The following DNAH6 variants were observed in gnomAD, a reference collection of about 807,000 sequenced individuals.
The protein encoded by DNAH6 is dynein axonemal heavy chain 6, also known as axonemal beta dynein heavy chain 6.
Under a neutral mutation model 491.4 loss-of-function variants are expected in DNAH6, and 340 were observed. The observed-to-expected ratio is 0.69, with a 90% CI of 0.63 to 0.76. The LOEUF is 0.76. Among genes scored for constraint, DNAH6 ranks in the 30% least tolerant of loss-of-function variants. The pLI is 0.00. For missense variants in DNAH6, 4,443 were observed against 4,972.2 expected (o/e 0.89, Z 3.20); for synonymous variants, 1,603 against 1,686.1 (o/e 0.95, Z 1.21).
chr2:84,545,482 A>G (rs925884354), intron 5 of DNAH6, among the ~76,000 whole-genome samples: 1 of 152,146 alleles, frequency 6.6e-6, no homozygotes, highest in Non-Finnish European at 1.5e-5. Flanking sequence ...ATTTGTTGCT[A>G]GGTATGTAAA....
intron 40 of DNAH6, among the ~76,000 whole-genome samples, chr2:84,673,264 G>A (rs926472851): frequency 1.4e-4 from 12 of 87,244 alleles, no homozygotes; most frequent in African/African-American, 2.3e-4. Context: ...CCATGGTGCC[G>A]TGGGCCCATG....
chr2:84,707,554 A>G lies in DNAH6; in HGVS notation c.8886A>G (p.Val2962=). 1.3e-6 allele frequency: 2 copies of G among 1,551,894 alleles called. No homozygotes were observed. Among genetic ancestry groups the G allele is most frequent in the Non-Finnish European group, 1.7e-6 (2 of 1,147,014 alleles). The part of the protein sequence containing the change: ...KTMALTKARL[V]RAGKLTAALE... ...TGGCCCTGACAAAAGCACGTCTAGT[A>G]CGTGCTGGAAAGCTGACAGCAGCAT... is the stretch of plus-strand genomic sequence containing the variant. Residue 2962 remains valine, a synonymous_variant, in exon 54 of 77, where the codon GTA becomes GTG. Coordinates refer to ENST00000389394, the MANE Select transcript of DNAH6 (RefSeq NM_001370.2).
chr2:84,501,206 C>T, the DNAH6 span, among the ~76,000 whole-genome samples: 1 of 151,986 alleles, frequency 6.6e-6, no homozygotes, highest in Non-Finnish European at 1.5e-5. Flanking sequence ...TCATTCTATC[C>T]CCAGTTTTTT....
intron 13 of DNAH6, among the ~76,000 whole-genome samples, chr2:84,578,213 T>G (rs1216774076): frequency 6.6e-6 from 1 of 152,160 alleles, no homozygotes; most frequent in Non-Finnish European, 1.5e-5. Flanking sequence ...TTTTCTGTTA[T>G]TAATTAATTG....
At chr2:84,649,193 C>T (rs569540382) in intron 33 of DNAH6, among the ~76,000 whole-genome samples, 25 of 152,252 alleles carry the variant, frequency 1.6e-4, no homozygotes, top group Middle Eastern at 3.4e-3. Context: ...ATTTTATATG[C>T]ACTGAGAAAC....
At chr2:84,506,726 C>G in the DNAH6 span, among the ~76,000 whole-genome samples, 1 of 152,140 alleles carries the variant, frequency 6.6e-6, no homozygotes, top group African/African-American at 2.4e-5. Flanking sequence ...CTTTAACCAT[C>G]TTGAATTAAT....
intron 45 of DNAH6, among the ~76,000 whole-genome samples, chr2:84,693,411 G>A (rs1695063561): frequency 6.6e-6 from 1 of 151,800 alleles, no homozygotes. Flanking sequence ...CCTCCTTTTT[G>A]AGTGCTCTCT....
intron 70 of DNAH6, among the ~76,000 whole-genome samples, chr2:84,800,876 G>A (rs1223150482): frequency 6.6e-6 from 1 of 151,922 alleles, no homozygotes; most frequent in Non-Finnish European, 1.5e-5. Flanking sequence ...ACTGGATTAA[G>A]AAAATGTGGC....
the DNAH6 span, among the ~76,000 whole-genome samples, chr2:84,505,677 T>A: frequency 6.6e-6 from 1 of 152,204 alleles, no homozygotes; most frequent in Non-Finnish European, 1.5e-5. Context: ...CATTTAACAT[T>A]AGGTATATCT....
intron 11 of DNAH6, among the ~76,000 whole-genome samples, chr2:84,564,354 TTATTTCAG>T (rs1680963561): frequency 6.6e-6 from 1 of 152,194 alleles, no homozygotes; most frequent in Non-Finnish European, 1.5e-5. Context: ...CATCTCTGAT[TTATTTCAG>T]CAGTGTTTTG....
At chr2:84,517,195 G>A (rs1381757494) in intron 1 of DNAH6, among the ~76,000 whole-genome samples, 1 of 152,136 alleles carries the variant, frequency 6.6e-6, no homozygotes, top group Non-Finnish European at 1.5e-5. Context: ...GGGTGAAAGT[G>A]TGCGTGGTGG....
At position 84,805,691 on chromosome 2, in the gene DNAH6, C is replaced by A; in HGVS notation, c.11508C>A (p.Asn3836Lys). ...FQYKETSTLI[N>K]TILEVQPRSS... The stretch of plus-strand genomic sequence containing the variant: ...ACAAAGAGACCAGCACTTTAATCAA[C>A]ACCATACTTGAGGTTCAGCCAAGGT... The change falls in exon 71 of 77, where the codon AAC becomes AAA. Residue 3836 changes from asparagine (N) to lysine (K), a missense_variant. Asn to Lys is a moderately conservative substitution (Grantham distance 94). Transcript: ENST00000389394. 3 of 1,551,726 alleles carry A rather than the reference C, an allele frequency of 1.9e-6. No individual in the cohort carries two copies. The highest frequency in any genetic ancestry group is 2.4e-5 in the South Asian group (2 of 84,012).
chr2:84,720,479 C>T (rs1387690509), intron 59 of DNAH6, among the ~76,000 whole-genome samples: 2 of 150,924 alleles, frequency 1.3e-5, no homozygotes, highest in East Asian at 3.9e-4. Flanking sequence ...GGGGTTTCAC[C>T]GTTTTAGCTG....
chr2:84,533,239 C>T (rs1173934006), intron 4 of DNAH6, among the ~76,000 whole-genome samples: 4 of 152,022 alleles, frequency 2.6e-5, no homozygotes, highest in Non-Finnish European at 5.9e-5. Flanking sequence ...TTGTGGATCT[C>T]CTCAAATCAA....
intron 18 of DNAH6, among the ~76,000 whole-genome samples, chr2:84,601,049 A>AT (rs1685184527): frequency 6.8e-6 from 1 of 148,078 alleles, no homozygotes; most frequent in African/African-American, 2.5e-5. Flanking sequence ...CTATAATAAT[A>AT]ATGTTATTAT....
chr2:84,710,039 A>G (rs1455241408), intron 55 of DNAH6, among the ~76,000 whole-genome samples: 1 of 152,230 alleles, frequency 6.6e-6, no homozygotes, highest in African/African-American at 2.4e-5. Flanking sequence ...CAACATGAAT[A>G]CCATAAGCAT....
chr2:84,704,292 T>C lies in DNAH6; in HGVS notation c.8455T>C (p.Leu2819=), dbSNP rs1465244600. 13 of 1,550,478 alleles carry C rather than the reference T, an allele frequency of 8.4e-6. No homozygotes were observed. Among genetic ancestry groups the C allele is most frequent in the South Asian group, 1.2e-5 (1 of 84,026 alleles). ...AGTAATGGAAGCAATCTCCATTCTT[T>C]TGAATGCCAAGTGAGTAATTCAGAG... ...MTVMEAISIL[L]NAKPDWPSAK... is the part of the protein sequence containing the mutation. The change falls in exon 51 of 77, where the codon TTG becomes CTG. Residue 2819 remains leucine, a synonymous_variant. Coordinates refer to ENST00000389394, the MANE Select transcript of DNAH6 (RefSeq NM_001370.2).
At chr2:84,668,176 A>C (rs1692356877) in intron 37 of DNAH6, among the ~76,000 whole-genome samples, 1 of 152,240 alleles carries the variant, frequency 6.6e-6, no homozygotes, top group African/African-American at 2.4e-5. Flanking sequence ...CCAACATGGC[A>C]CATGTATACA....
intron 8 of DNAH6, among the ~76,000 whole-genome samples, chr2:84,549,376 T>A (rs1841418): frequency 0.94 from 142,474 of 152,262 alleles, 66,758 homozygotes; most frequent in East Asian, 1. Flanking sequence ...AGCAGAATAG[T>A]ACTATTCTAA....
Sources: gnomAD v4.1 joint callset for allele counts (sites outside exome capture counted in the v4.1 genomes callset) on GRCh38, gnomAD v4.1.1 for gene constraint, MANE v1.5 for transcripts, NCBI Gene and HGNC (gene_info 2026-07-23, HGNC 2026-07-21) for gene names.